Variants in PDE1C observed in about 807,000 individuals in gnomAD.
The protein encoded by PDE1C is dual specificity calcium/calmodulin-dependent 3',5'-cyclic nucleotide phosphodiesterase 1C.
Under a neutral mutation model 93.1 loss-of-function variants are expected in PDE1C, and 62 were observed. That is an observed-to-expected ratio of 0.67 (90% CI 0.54 to 0.82). The LOEUF (loss-of-function observed/expected upper bound fraction) is 0.82. Among genes scored for constraint, PDE1C ranks in the 40% least tolerant of loss-of-function variants. The probability of loss-of-function intolerance (pLI) is 0.00; values close to 1 mark genes in which losing one functional copy is unlikely to be tolerated. For synonymous variants in PDE1C, 325 were observed against 310.1 expected, an observed-to-expected ratio of 1.05 and a Z score of -0.50; for missense variants, 742 against 884.6, an observed-to-expected ratio of 0.84 and a Z score of 2.04.
At chr7:31,900,636 G>A (rs1036263196) in intron 2 of PDE1C, among the ~76,000 whole-genome samples, 29 of 150,976 alleles carry the variant, frequency 1.9e-4, no homozygotes, top group Non-Finnish European at 2.7e-4. Flanking sequence ...AAAAAAGCTC[G>A]GTAATTTTAT....
the PDE1C span, among the ~76,000 whole-genome samples, chr7:31,682,173 G>A: frequency 1.3e-5 from 2 of 152,172 alleles, no homozygotes; most frequent in African/African-American, 2.4e-5. Flanking sequence ...CAAATAGGTA[G>A]TAAGTGCTTA....
chr7:32,159,906 C>T (rs962616060), intron 3 of PDE1C, among the ~76,000 whole-genome samples: 1 of 152,084 alleles, frequency 6.6e-6, no homozygotes, highest in South Asian at 2.1e-4. Flanking sequence ...CCCAGAGGCT[C>T]CCACAAGCTC....
At chr7:32,108,296 A>G (rs73100661) in intron 3 of PDE1C, among the ~76,000 whole-genome samples, 29,879 of 149,938 alleles carry the variant, frequency 0.2, 3,654 homozygotes, top group Middle Eastern at 0.3. Context: ...AACAGAAACT[A>G]TCACATTTAC....
intron 3 of PDE1C, among the ~76,000 whole-genome samples, chr7:32,099,449 G>T (rs903413647): frequency 2.0e-5 from 3 of 152,168 alleles, no homozygotes; most frequent in Admixed American, 6.5e-5. Context: ...TTGTCATCTA[G>T]AAGAAAAATG....
At chr7:32,368,292 T>A (rs1784261913) in intron 1 of PDE1C, among the ~76,000 whole-genome samples, 1 of 152,056 alleles carries the variant, frequency 6.6e-6, no homozygotes, top group Non-Finnish European at 1.5e-5. Context: ...TTAGAACTGA[T>A]AAATTCAGCA....
At chr7:32,229,572 T>G (rs1327568625) in intron 1 of PDE1C, among the ~76,000 whole-genome samples, 1 of 152,238 alleles carries the variant, frequency 6.6e-6, no homozygotes, top group African/African-American at 2.4e-5. Flanking sequence ...ATTTCAAGCA[T>G]GTTCATATCA....
the PDE1C span, among the ~76,000 whole-genome samples, chr7:31,656,683 A>T: frequency 3.0e-4 from 46 of 152,320 alleles, no homozygotes; most frequent in South Asian, 9.1e-3. Flanking sequence ...AACTGAGTTT[A>T]GATTGTAAAA....
At chr7:32,264,173 T>C (rs1015994018) in intron 1 of PDE1C, among the ~76,000 whole-genome samples, 3 of 152,146 alleles carry the variant, frequency 2.0e-5, no homozygotes, top group South Asian at 2.1e-4. Context: ...TTTCAAACAA[T>C]TGAGAATCAC....
Position 31,831,476 on chromosome 7 carries a change from G to GCA in PDE1C, c.1204-3105_1204-3104dup, listed in dbSNP as rs3842163. ...GCCCTACAAAAGTAAGGAAGTAAAG[G>GCA]CACACACACACACACATGCACGCAC... On this transcript the variant is annotated intron_variant, in intron 11 of 17. Coordinates refer to ENST00000396191, the MANE Select transcript of PDE1C (RefSeq NM_001191057.4). 9.4e-3 allele frequency among the ~76,000 whole-genome samples: 1,332 copies of GCA among 141,136 alleles called. 27 individuals carry two copies. Among genetic ancestry groups the GCA allele is most frequent in the East Asian group, 0.073 (350 of 4,792 alleles). 92.6% of individuals were successfully genotyped at this position (141,136 alleles called of 152,430 possible). A position where few individuals can be genotyped will look rare whatever the true frequency, so the allele number is the denominator to read the frequency against.
intron 2 of PDE1C, among the ~76,000 whole-genome samples, chr7:31,963,668 TG>T (rs1440169583): frequency 2.0e-5 from 3 of 152,200 alleles, no homozygotes; most frequent in Non-Finnish European, 4.4e-5. Flanking sequence ...GATTAAAAGT[TG>T]AGGGTAGAGG....
At chr7:32,265,920 A>G (rs2128882841) in intron 1 of PDE1C, among the ~76,000 whole-genome samples, 1 of 144,670 alleles carries the variant, frequency 6.9e-6, no homozygotes, top group South Asian at 2.2e-4. Context: ...CCTCCCCTAC[A>G]AGGTGGGAGG....
At chr7:31,996,970 A>G (rs1440930040) in intron 2 of PDE1C, among the ~76,000 whole-genome samples, 4 of 152,230 alleles carry the variant, frequency 2.6e-5, no homozygotes, top group Non-Finnish European at 5.9e-5. Flanking sequence ...GAAGTGACAT[A>G]GTCCTCACCA....
At chr7:31,828,192 G>A in intron 12 of PDE1C, 100 bp downstream of exon 12, 1 of 868,622 alleles carries the variant, frequency 1.2e-6, no homozygotes, top group Non-Finnish European at 1.9e-6. Flanking sequence ...ATGGCAGAAT[G>A]GAGCCAGTTT....
intron 17 of PDE1C, among the ~76,000 whole-genome samples, chr7:31,757,623 C>T (rs1437769049): frequency 1.6e-4 from 24 of 152,036 alleles, no homozygotes; most frequent in Non-Finnish European, 3.1e-4. Flanking sequence ...GTTAGAATGG[C>T]GATCATTAAA....
At chr7:32,209,508 T>C (rs964947213) in exon 2 of PDE1C, 1 of 1,573,974 alleles carries the variant, frequency 6.4e-7, no homozygotes, top group Non-Finnish European at 8.6e-7. Flanking sequence ...GGGCCAGTGG[T>C]CTGGCATTCT....
intron 7 of PDE1C, among the ~76,000 whole-genome samples, chr7:31,851,093 C>T (rs10447631): frequency 0.33 from 48,480 of 148,108 alleles, 9,969 homozygotes; most frequent in African/African-American, 0.58. Context: ...CACACACACA[C>T]ACACACATAA....
intron 2 of PDE1C, among the ~76,000 whole-genome samples, chr7:32,177,451 A>G (rs1803082109): frequency 6.6e-6 from 1 of 151,990 alleles, no homozygotes; most frequent in Admixed American, 6.6e-5. Flanking sequence ...CAATAATAAT[A>G]TGTCTGAGTC....
chr7:32,244,736 C>T (rs1173624165), intron 1 of PDE1C, among the ~76,000 whole-genome samples: 1 of 152,170 alleles, frequency 6.6e-6, no homozygotes, highest in African/African-American at 2.4e-5. Context: ...TGTAAAGAAA[C>T]CTGATGCATG....
At chr7:32,296,573 T>G (rs1325387033) in intron 1 of PDE1C, among the ~76,000 whole-genome samples, 7 of 152,198 alleles carry the variant, frequency 4.6e-5, no homozygotes, top group Admixed American at 4.6e-4. Context: ...ACCAGCTCAT[T>G]TTTAGAGTCT....
Sources: gnomAD v4.1 joint callset for allele counts (sites outside exome capture counted in the v4.1 genomes callset) on GRCh38, gnomAD v4.1.1 for gene constraint, MANE v1.5 for transcripts, NCBI Gene and HGNC (gene_info 2026-07-23, HGNC 2026-07-21) for gene names.